SATB2: variants seen among roughly 807,000 people sequenced by gnomAD.
The protein encoded by SATB2 is SATB homeobox 2.
A neutral mutation model predicts 73.4 loss-of-function variants in SATB2; 1 was observed. The ratio of observed to expected loss-of-function variants is 0.01; its 90% CI spans 0.00 to 0.06. The LOEUF (loss-of-function observed/expected upper bound fraction) is 0.06. SATB2 is among the 10% of genes least tolerant of loss of function. SATB2 has a pLI of 1.00. For synonymous variants in SATB2, 397 were observed against 367.0 expected (o/e 1.08, Z -0.93); for missense variants, 459 against 945.8 (o/e 0.49, Z 6.75).
At chr2:199,336,848 C>T (rs1374356) in intron 7 of SATB2, among the ~76,000 whole-genome samples, 116,011 of 152,020 alleles carry the variant, frequency 0.76, 46,232 homozygotes, top group South Asian at 0.91. Flanking sequence ...TTGCTGGATT[C>T]GAAATTGGGC....
chr2:199,453,352 T>C (rs1396514470), intron 2 of SATB2, among the ~76,000 whole-genome samples: 2 of 152,054 alleles, frequency 1.3e-5, no homozygotes, highest in South Asian at 2.1e-4. Flanking sequence ...TTTTATTGTA[T>C]CCATCATTAC....
At chr2:199,287,004 A>G (rs951611641) in intron 10 of SATB2, among the ~76,000 whole-genome samples, 13 of 152,340 alleles carry the variant, frequency 8.5e-5, no homozygotes, top group South Asian at 2.1e-4. Context: ...CACGATCCCA[A>G]TGATATTAAA....
intron 2 of SATB2, among the ~76,000 whole-genome samples, chr2:199,439,715 T>C (rs1345041486): frequency 6.6e-6 from 1 of 152,178 alleles, no homozygotes; most frequent in African/African-American, 2.4e-5. Context: ...TCTCTCTCTC[T>C]CTCACACTGA....
At chr2:199,397,506 G>T (rs940415653) in intron 3 of SATB2, 1 of 154,404 alleles carries the variant, frequency 6.5e-6, no homozygotes, top group African/African-American at 2.4e-5. Flanking sequence ...AAGTGTATCA[G>T]ATAATTTTTT....
At chr2:199,387,457 T>C (rs1217471139) in intron 3 of SATB2, among the ~76,000 whole-genome samples, 2 of 152,324 alleles carry the variant, frequency 1.3e-5, no homozygotes, top group Non-Finnish European at 1.5e-5. Context: ...TTGGGACTTC[T>C]CTGGAAAAAA....
intron 10 of SATB2, among the ~76,000 whole-genome samples, chr2:199,297,804 A>T (rs989779339): frequency 2.6e-5 from 4 of 152,170 alleles, no homozygotes; most frequent in African/African-American, 9.7e-5. Flanking sequence ...AGCTTAAAAA[A>T]AAAAAAACAA....
chr2:199,427,166 T>G (rs1211426666), intron 3 of SATB2, among the ~76,000 whole-genome samples: 2 of 152,176 alleles, frequency 1.3e-5, no homozygotes, highest in Non-Finnish European at 2.9e-5. Flanking sequence ...GAATGAGTCA[T>G]CGTGCACAGC....
At chr2:199,432,395 G>A (rs1478188187) in intron 3 of SATB2, among the ~76,000 whole-genome samples, 1 of 152,122 alleles carries the variant, frequency 6.6e-6, no homozygotes, top group Admixed American at 6.5e-5. Flanking sequence ...TGGTACAAAT[G>A]AGGCTCTGAC....
chr2:199,370,891 T>C (rs937360885), intron 5 of SATB2, among the ~76,000 whole-genome samples: 3 of 150,700 alleles, frequency 2.0e-5, no homozygotes, highest in African/African-American at 4.9e-5. Flanking sequence ...AAATAAGTTG[T>C]TACCTCTACT....
chr2:199,385,503 C>G (rs1370431462), intron 3 of SATB2, among the ~76,000 whole-genome samples: 1 of 152,126 alleles, frequency 6.6e-6, no homozygotes, highest in African/African-American at 2.4e-5. Context: ...CTCTTATTTT[C>G]TGCACCACCA....
intron 3 of SATB2, among the ~76,000 whole-genome samples, chr2:199,417,686 G>A (rs937350056): frequency 7.9e-5 from 12 of 152,318 alleles, no homozygotes; most frequent in African/African-American, 2.4e-4. Context: ...TTTGTCATTA[G>A]TTAAGGATAT....
chr2:199,436,175 A>G (rs1169427155), intron 2 of SATB2, among the ~76,000 whole-genome samples: 1 of 152,212 alleles, frequency 6.6e-6, no homozygotes, highest in East Asian at 1.9e-4. Flanking sequence ...TCTCAAGTCT[A>G]TGGTCAACTG....
At chr2:199,396,971 T>C (rs1312114696) in intron 3 of SATB2, 2 of 152,150 alleles carry the variant, frequency 1.3e-5, no homozygotes, top group Non-Finnish European at 2.9e-5. Context: ...ATTTTCATTC[T>C]TTTTGCACAA....
intron 3 of SATB2, among the ~76,000 whole-genome samples, chr2:199,399,109 A>G (rs989905730): frequency 6.6e-6 from 1 of 152,002 alleles, no homozygotes; most frequent in Non-Finnish European, 1.5e-5. Context: ...CATCTCTACA[A>G]AAAAATATAA....
intron 3 of SATB2, among the ~76,000 whole-genome samples, chr2:199,400,411 AT>A (rs1489859769): frequency 6.6e-6 from 1 of 152,182 alleles, no homozygotes; most frequent in Non-Finnish European, 1.5e-5. Flanking sequence ...AGCCATGTGT[AT>A]TTATTGAGGG....
In SATB2 at chr2:199,449,542, T is replaced by C. The variant is rs201318093; in HGVS notation, c.169+6327A>G. Among the ~76,000 whole-genome samples the C allele has an allele frequency of 3.9e-5, 6 of 152,174 alleles. No individual in the cohort carries two copies. In the East Asian group the frequency reaches 1.2e-3, roughly 29 times the overall value. On this transcript the variant is annotated intron_variant, in intron 2 of 10. Coordinates refer to ENST00000417098, the MANE Select transcript of SATB2 (RefSeq NM_001172509.2). The stretch of plus-strand genomic sequence containing the variant: ...AAGAAGAAAAATAATGTTTGGTTAA[T>C]TGCTAACAATAAAGAGCAACGGAAA...
chr2:199,325,315 G>T (rs934545717), intron 8 of SATB2: 1 of 152,018 alleles, frequency 6.6e-6, no homozygotes, highest in African/African-American at 2.4e-5. Context: ...TCTTACAGAT[G>T]AAGAAACTGA....
chr2:199,292,102 A>T (rs1021888689), intron 10 of SATB2, among the ~76,000 whole-genome samples: 6 of 152,186 alleles, frequency 3.9e-5, no homozygotes, highest in Non-Finnish European at 7.4e-5. Context: ...TAGGGCAGAA[A>T]GAGAAAAGGC....
intron 8 of SATB2, 91 bp downstream of exon 8, chr2:199,328,607 T>C (rs1486515491): frequency 2.3e-6 from 2 of 880,742 alleles, no homozygotes; most frequent in Non-Finnish European, 3.7e-6. Context: ...TTGAATTATG[T>C]CTCTCAATGT....
Sources: allele counts gnomAD v4.1 joint callset (sites outside exome capture counted in the v4.1 genomes callset), GRCh38; gene constraint gnomAD v4.1.1; transcripts MANE v1.5; gene names NCBI Gene and HGNC (gene_info 2026-07-23, HGNC 2026-07-21).